The following UBXN4 variants were observed in gnomAD, a reference collection of about 807,000 sequenced individuals.
The protein encoded by UBXN4 is UBX domain-containing protein 4.
UBXN4 carries 35 observed loss-of-function variants against 66.2 expected under a neutral mutation model. The ratio of observed to expected loss-of-function variants is 0.53; its 90% CI spans 0.40 to 0.70. The LOEUF is 0.70. UBXN4 is among the 30% of genes least tolerant of loss of function. The pLI, the probability that UBXN4 is intolerant of heterozygous loss-of-function variation, is 0.00. For missense variants in UBXN4, 533 were observed against 599.8 expected, an observed-to-expected ratio of 0.89 and a Z score of 1.16; for synonymous variants, 203 against 204.5, an observed-to-expected ratio of 0.99 and a Z score of 0.06.
intron 5 of UBXN4, among the ~76,000 whole-genome samples, chr2:135,760,020 G>A (rs975800975): frequency 6.6e-6 from 1 of 151,756 alleles, no homozygotes; most frequent in Non-Finnish European, 1.5e-5. Flanking sequence ...CACCTGCCTC[G>A]GCCTCCCAAA....
At position 135,780,203 on chromosome 2, in the gene UBXN4, C is replaced by T; in HGVS notation, c.1206C>T (p.Ser402=). ...TCTAGGCAGGAAGACCAACTGCATC[C>T]ATTGTACACTCTTCCAGCGGAGACA... The part of the protein sequence containing the change: ...VLLPAGRPTA[S]IVHSSSGDIW... The change falls in exon 12 of 13, where the codon TCC becomes TCT. Residue 402 remains serine (S), a synonymous_variant. Coordinates refer to ENST00000272638, the MANE Select transcript of UBXN4 (RefSeq NM_014607.4). 1 of 1,613,984 alleles carries T rather than the reference C, an allele frequency of 6.2e-7. No individual in the cohort carries two copies. The highest frequency in any genetic ancestry group is 8.5e-7 in the Non-Finnish European group (1 of 1,179,976).
chr2:135,753,018 T>G (rs2077254744), intron 2 of UBXN4, among the ~76,000 whole-genome samples: 1 of 10,458 alleles, frequency 9.6e-5, no homozygotes. Context: ...ACGCCCGGCC[T>G]TTTTTTTTTT....
intron 11 of UBXN4, among the ~76,000 whole-genome samples, chr2:135,779,831 A>G (rs1050797499): frequency 6.8e-5 from 10 of 146,274 alleles, no homozygotes; most frequent in African/African-American, 2.5e-4. Flanking sequence ...ATATTATACA[A>G]TTATATACAA....
chr2:135,766,960 A>G (rs1197351476), intron 6 of UBXN4, among the ~76,000 whole-genome samples: 1 of 152,154 alleles, frequency 6.6e-6, no homozygotes, highest in Admixed American at 6.5e-5. Flanking sequence ...ATTCTTCTGT[A>G]GAGAAATGCT....
chr2:135,780,352 C>G lies in UBXN4; in HGVS notation c.1355C>G (p.Pro452Arg), dbSNP rs371290991. 4.8e-5 allele frequency: 77 copies of G among 1,614,038 alleles called. No homozygotes were observed. Among genetic ancestry groups the G allele is most frequent in the Non-Finnish European group, 6.4e-5 (76 of 1,180,016 alleles). Reference protein sequence around the residue: ...TSVRVTSSEPPNPASSSKSEK... With the variant: ...TSVRVTSSEPRNPASSSKSEK... ...GTGAGAGTAACATCGTCAGAACCCC[C>G]AAACCCTGCATCATCTAGCAAATCA... The change falls in exon 12 of 13, where the codon CCA becomes CGA. Residue 452 changes from proline to arginine, a missense_variant. This residue lies in a region of UBXN4 where 529 missense variants were observed against 580.1 expected (regional missense o/e 0.91). Coordinates refer to ENST00000272638, the MANE Select transcript of UBXN4 (RefSeq NM_014607.4).
intron 10 of UBXN4, among the ~76,000 whole-genome samples, chr2:135,778,417 T>A (rs1177098981): frequency 6.6e-6 from 1 of 152,188 alleles, no homozygotes; most frequent in Non-Finnish European, 1.5e-5. Flanking sequence ...GAGGGTGACT[T>A]ACAGTGCTGT....
chr2:135,777,462 C>G (rs1042384108), intron 10 of UBXN4, among the ~76,000 whole-genome samples: 1 of 152,160 alleles, frequency 6.6e-6, no homozygotes, highest in African/African-American at 2.4e-5. Flanking sequence ...TAGAAACAGT[C>G]CCAAATAGGT....
At chr2:135,755,411 A>G (rs755859648) in intron 4 of UBXN4, 106 bp from the exon 5 acceptor site, 1 of 829,852 alleles carries the variant, frequency 1.2e-6, no homozygotes, top group Non-Finnish European at 1.6e-6. Context: ...AGCATTTCGT[A>G]TTTCTCTTTT....
intron 8 of UBXN4, among the ~76,000 whole-genome samples, chr2:135,772,198 T>C (rs764930588): frequency 1.3e-5 from 2 of 152,018 alleles, no homozygotes; most frequent in Non-Finnish European, 2.9e-5. Flanking sequence ...GGCACACACC[T>C]GTAGTCCCAG....
At chr2:135,764,074 A>G (rs1359908119) in intron 6 of UBXN4, among the ~76,000 whole-genome samples, 1 of 152,008 alleles carries the variant, frequency 6.6e-6, no homozygotes, top group Admixed American at 6.6e-5. Flanking sequence ...CAGTGAGCCA[A>G]GGTCATGCCA....
chr2:135,765,281 C>T (rs2105501766), intron 6 of UBXN4, among the ~76,000 whole-genome samples: 1 of 151,904 alleles, frequency 6.6e-6, no homozygotes, highest in East Asian at 1.9e-4. Context: ...ACAATCTCGG[C>T]TCACTGCAAC....
chr2:135,747,855 A>C (rs532802746), intron 1 of UBXN4: 28 of 353,844 alleles, frequency 7.9e-5, no homozygotes, highest in African/African-American at 6.0e-4. Context: ...TCCTGGCCTC[A>C]GGTGATCTAC....
intron 1 of UBXN4, 86 bp downstream of exon 1, chr2:135,742,097 C>G (rs1246435376): frequency 6.8e-7 from 1 of 1,468,160 alleles, no homozygotes; most frequent in Non-Finnish European, 9.3e-7. Context: ...GCCGGCCCGC[C>G]CTCCCCGAGA....
In UBXN4 at chr2:135,750,774, G is replaced by C. The variant is rs568049206; in HGVS notation, c.185+2405G>C. On this transcript the variant is annotated intron_variant, in intron 2 of 12. Coordinates refer to ENST00000272638, the MANE Select transcript of UBXN4 (RefSeq NM_014607.4). Reference sequence around the variant, plus strand: ...CAAGAAGAATATAGGGATTTATAGGGAATGTGCAATACATGAGAATTCCAG... The same window carrying C: ...CAAGAAGAATATAGGGATTTATAGGCAATGTGCAATACATGAGAATTCCAG... Among the ~76,000 whole-genome samples the C allele has an allele frequency of 2.4e-4, 36 of 148,164 alleles. 1 individual carries two copies. The South Asian group carries it at 3.9e-3, about 16-fold the overall frequency.
rs1256220058 is a variant in UBXN4 at position 135,783,024 on chromosome 2, G to A, written c.*137G>A. On this transcript the variant is annotated 3_prime_UTR_variant, in exon 13 of 13. Transcript: ENST00000272638. ...GTCTCTTTATTCCTGCTTAGTGGGTGTGGGTTGAAGGTGTTTAACTCAGAA... is the reference window on the plus strand; with the variant it reads ...GTCTCTTTATTCCTGCTTAGTGGGTATGGGTTGAAGGTGTTTAACTCAGAA... The A allele has an allele frequency of 1.1e-6, 1 of 903,040 alleles. No individual in the cohort carries two copies. The highest frequency in any genetic ancestry group is 2.6e-5 in the East Asian group (1 of 38,216). The allele number at this position is 903,040 out of a possible 1,614,324, so 55.9% of individuals were successfully genotyped here. A position where few individuals can be genotyped will look rare whatever the true frequency, so the allele number is the denominator to read the frequency against.
At chr2:135,777,543 A>T (rs2077423575) in intron 10 of UBXN4, among the ~76,000 whole-genome samples, 1 of 152,154 alleles carries the variant, frequency 6.6e-6, no homozygotes, top group Non-Finnish European at 1.5e-5. Context: ...TGCTTTTGCC[A>T]CAGGTAAATG....
intron 1 of UBXN4, among the ~76,000 whole-genome samples, chr2:135,744,253 A>G (rs2077193759): frequency 6.6e-6 from 1 of 152,214 alleles, no homozygotes; most frequent in Non-Finnish European, 1.5e-5. Flanking sequence ...TGATCTCAAG[A>G]GTACACTTTG....
chr2:135,747,996 G>A, intron 1 of UBXN4: 1 of 333,260 alleles, frequency 3.0e-6, no homozygotes, highest in Non-Finnish European at 5.6e-6. Flanking sequence ...TTATTATTGT[G>A]GTACTTTGCG....
intron 6 of UBXN4, among the ~76,000 whole-genome samples, chr2:135,764,268 TTTAAGTC>T (rs1309750188): frequency 6.6e-6 from 1 of 152,218 alleles, no homozygotes; most frequent in Non-Finnish European, 1.5e-5. Flanking sequence ...TGTAGTTGAC[TTTAAGTC>T]TTAGGCTTTT....
Sources: gnomAD v4.1 joint callset for allele counts (sites outside exome capture counted in the v4.1 genomes callset) on GRCh38, gnomAD v4.1.1 for gene constraint, gnomAD v4.1.1 regional missense constraint, MANE v1.5 for transcripts, NCBI Gene and HGNC (gene_info 2026-07-23, HGNC 2026-07-21) for gene names.